XKR6: variants seen among roughly 807,000 people sequenced by gnomAD.
XKR6 encodes the protein XK related 6.
In XKR6, 22 loss-of-function variants were observed where a neutral mutation model predicts 56.7. The ratio of observed to expected loss-of-function variants is 0.39; its 90% CI spans 0.28 to 0.55. The LOEUF (loss-of-function observed/expected upper bound fraction) is 0.55. Ranked by LOEUF, XKR6 falls within the 20% of genes least tolerant of loss-of-function variation. The probability of loss-of-function intolerance (pLI) is 0.66; values close to 1 mark genes in which losing one functional copy is unlikely to be tolerated. For synonymous variants in XKR6, 524 were observed against 387.8 expected (o/e 1.35, Z -4.13); for missense variants, 852 against 889.0 (o/e 0.96, Z 0.53).
intron 1 of XKR6, chr8:11,195,254 T>G (rs1211017163): frequency 1.4e-6 from 1 of 690,660 alleles, no homozygotes; most frequent in Non-Finnish European, 2.6e-6. Flanking sequence ...CACCCTAGTG[T>G]TTTTACAGTT....
chr8:10,924,125 G>A (rs1355939764), intron 2 of XKR6, among the ~76,000 whole-genome samples: 1 of 152,198 alleles, frequency 6.6e-6, no homozygotes, highest in African/African-American at 2.4e-5. Flanking sequence ...CTCCCCTGCT[G>A]GAACTTGAAC....
chr8:11,188,635 T>C (rs1256367734), intron 1 of XKR6, among the ~76,000 whole-genome samples: 2 of 152,214 alleles, frequency 1.3e-5, no homozygotes, highest in Non-Finnish European at 2.9e-5. Flanking sequence ...GTGGCATCTT[T>C]TAAATGTACA....
At position 10,896,083 on chromosome 8, in the gene XKR6, T is replaced by TAAA. The variant is rs71203359; in HGVS notation, c.*1868_*1869insTTT. On this transcript the variant is annotated 3_prime_UTR_variant, in exon 3 of 3. Transcript: ENST00000416569. ...ATTTACTTAAAAATATTGTGTGTGT[T>TAAA]TATATATATATATATATATATACTT... 2.8e-5 allele frequency: 4 copies of TAAA among 141,188 alleles called. No homozygotes were observed. The highest frequency in any genetic ancestry group is 1.0e-4 in the African/African-American group (4 of 39,024). The allele number at this position is 141,188 out of a possible 1,614,324, so 8.7% of individuals were successfully genotyped here. A position where few individuals can be genotyped will look rare whatever the true frequency, so the allele number is the denominator to read the frequency against.
chr8:10,904,978 G>C (rs182825639), intron 2 of XKR6, among the ~76,000 whole-genome samples: 1 of 152,332 alleles, frequency 6.6e-6, no homozygotes, highest in Admixed American at 6.5e-5. Context: ...AGGGACCTAA[G>C]CATGAGGCAG....
chr8:11,110,505 C>T (rs1798847184), intron 1 of XKR6, among the ~76,000 whole-genome samples: 2 of 152,218 alleles, frequency 1.3e-5, no homozygotes, highest in African/African-American at 4.8e-5. Flanking sequence ...GAACATTCCA[C>T]TGAGCTTCTA....
At chr8:11,140,865 T>A (rs556648151) in intron 1 of XKR6, among the ~76,000 whole-genome samples, 1 of 127,906 alleles carries the variant, frequency 7.8e-6, no homozygotes, top group Non-Finnish European at 1.6e-5. Context: ...ACTACTGGAC[T>A]CCAGCCTGGG....
rs76955268 is a variant in XKR6 at position 11,130,818 on chromosome 8, G to A, written c.764+69758C>T. On this transcript the variant is annotated intron_variant, in intron 1 of 2. Transcript: ENST00000416569. The stretch of plus-strand genomic sequence containing the variant: ...GACCCACATATGTGCACACCTCCCA[G>A]AATCAACACAGACCTTCAGGACTCC... 3.0e-3 allele frequency among the ~76,000 whole-genome samples: 461 copies of A among 152,080 alleles called. 3 individuals are homozygous for A. The highest frequency in any genetic ancestry group is 0.011 in the African/African-American group (446 of 41,442).
At chr8:11,130,594 G>C (rs921110232) in intron 1 of XKR6, among the ~76,000 whole-genome samples, 79 of 151,352 alleles carry the variant, frequency 5.2e-4, no homozygotes, top group African/African-American at 1.8e-3. Flanking sequence ...GGCTAAGACG[G>C]CCTTTTCTCC....
intron 1 of XKR6, among the ~76,000 whole-genome samples, chr8:11,059,469 GCC>G (rs1033540072): frequency 4.6e-5 from 7 of 152,242 alleles, no homozygotes; most frequent in African/African-American, 1.7e-4. Context: ...CGAGAAGGAG[GCC>G]CCGCCCGACA....
At chr8:11,155,639 A>C (rs1469718476) in intron 1 of XKR6, among the ~76,000 whole-genome samples, 1 of 152,210 alleles carries the variant, frequency 6.6e-6, no homozygotes, top group East Asian at 1.9e-4. Flanking sequence ...GTATCTCAGC[A>C]CACAGAGTGT....
chr8:11,036,475 G>A (rs1799147359), intron 1 of XKR6, among the ~76,000 whole-genome samples: 2 of 152,184 alleles, frequency 1.3e-5, no homozygotes, highest in Non-Finnish European at 2.9e-5. Flanking sequence ...AGCATCAATG[G>A]GAGCTTGTTA....
chr8:10,941,781 A>C (rs899487187), intron 1 of XKR6, among the ~76,000 whole-genome samples: 1 of 152,150 alleles, frequency 6.6e-6, no homozygotes, highest in African/African-American at 2.4e-5. Context: ...ACCCTCGACC[A>C]GCAGGGCCTT....
chr8:11,057,389 G>C (rs1002667118), intron 1 of XKR6, among the ~76,000 whole-genome samples: 1 of 152,196 alleles, frequency 6.6e-6, no homozygotes, highest in Admixed American at 6.5e-5. Context: ...AACAGGGCCT[G>C]ACACAAAGGA....
At chr8:11,070,241 G>A (rs904908780) in intron 1 of XKR6, among the ~76,000 whole-genome samples, 1 of 152,150 alleles carries the variant, frequency 6.6e-6, no homozygotes, top group African/African-American at 2.4e-5. Context: ...CTTGGTTTAT[G>A]TTTTTGTAGA....
chr8:10,983,662 G>GT (rs58543763), intron 1 of XKR6, among the ~76,000 whole-genome samples: 8,383 of 144,984 alleles, frequency 0.058, 544 homozygotes, highest in Admixed American at 0.15. Context: ...TCTTTTTTTT[G>GT]TTTTTTTTTT....
intron 1 of XKR6, among the ~76,000 whole-genome samples, chr8:11,099,214 G>T (rs114886461): frequency 1.3e-5 from 2 of 152,144 alleles, no homozygotes; most frequent in Non-Finnish European, 2.9e-5. Flanking sequence ...CAGCAGGAGG[G>T]CAATCGTCCA....
At chr8:11,084,378 G>T (rs1002601081) in intron 1 of XKR6, among the ~76,000 whole-genome samples, 2 of 152,256 alleles carry the variant, frequency 1.3e-5, no homozygotes, top group South Asian at 2.1e-4. Flanking sequence ...TTGCTTTAAG[G>T]CTGAATCACT....
intron 1 of XKR6, among the ~76,000 whole-genome samples, chr8:11,161,809 T>C (rs981898580): frequency 2.0e-5 from 3 of 152,156 alleles, no homozygotes; most frequent in African/African-American, 7.2e-5. Context: ...TACTGAAGTA[T>C]ATCATCAGGT....
At chr8:11,102,160 G>C (rs925383282) in intron 1 of XKR6, among the ~76,000 whole-genome samples, 3 of 152,016 alleles carry the variant, frequency 2.0e-5, no homozygotes, top group Admixed American at 6.6e-5. Context: ...CATAAACATC[G>C]TCTTTTTCAC....
Sources: allele counts gnomAD v4.1 joint callset (sites outside exome capture counted in the v4.1 genomes callset), GRCh38; gene constraint gnomAD v4.1.1; transcripts MANE v1.5; gene names NCBI Gene and HGNC (gene_info 2026-07-23, HGNC 2026-07-21).